The following DCHS2 variants were observed in gnomAD, a reference collection of about 807,000 sequenced individuals.
The protein encoded by DCHS2 is dachsous cadherin-related 2.
A neutral mutation model predicts 182.4 loss-of-function variants in DCHS2; 142 were observed. The ratio of observed to expected loss-of-function variants is 0.78; its 90% confidence interval spans 0.68 to 0.89. DCHS2 has a LOEUF of 0.89. Ranked by LOEUF, DCHS2 falls within the 40% of genes least tolerant of loss-of-function variation. The probability of loss-of-function intolerance (pLI) is 0.00; values close to 1 mark genes in which losing one functional copy is unlikely to be tolerated. For synonymous variants in DCHS2, 1,740 were observed against 1,663.3 expected, an observed-to-expected ratio of 1.05 and a Z score of -1.12; for missense variants, 4,319 against 4,198.6, an observed-to-expected ratio of 1.03 and a Z score of -0.79.
intron 2 of DCHS2, among the ~76,000 whole-genome samples, chr4:154,375,556 C>A (rs181644663): frequency 6.6e-6 from 1 of 151,584 alleles, no homozygotes; most frequent in African/African-American, 2.4e-5. Flanking sequence ...ACAAATTATA[C>A]GAATAGCAAT....
intron 1 of DCHS2, among the ~76,000 whole-genome samples, chr4:154,486,195 G>T (rs1728578613): frequency 6.6e-6 from 1 of 152,176 alleles, no homozygotes; most frequent in Non-Finnish European, 1.5e-5. Flanking sequence ...AATGGTTCTT[G>T]TCCTCTGCAT....
chr4:154,297,895 C>A lies in DCHS2; in HGVS notation c.6419G>T (p.Ser2140Ile), dbSNP rs1387931006. The A allele has an allele frequency of 6.2e-7, 1 of 1,613,880 alleles. No homozygotes were observed. The highest frequency in any genetic ancestry group is 8.5e-7 in the Non-Finnish European group (1 of 1,179,942). ...MEGEDVKISF[S>I]HHLYKGLVTE... ...CACGAGCCCTTTATACAGGTGGTGGCTGAAGGAAATCTTTACATCTTCTCC... is the reference window on the plus strand; with the variant it reads ...CACGAGCCCTTTATACAGGTGGTGGATGAAGGAAATCTTTACATCTTCTCC... The change falls in exon 13 of 20, where the codon AGC becomes ATC. Residue 2140 changes from serine (S) to isoleucine (I), a missense_variant. Ser to Ile is a moderately radical substitution (Grantham distance 142). Coordinates refer to ENST00000357232, the MANE Select transcript of DCHS2 (RefSeq NM_001358235.2).
intron 14 of DCHS2, among the ~76,000 whole-genome samples, chr4:154,265,279 C>T (rs1169486598): frequency 1.3e-5 from 2 of 152,106 alleles, no homozygotes; most frequent in Non-Finnish European, 2.9e-5. Flanking sequence ...TAACAAGAGA[C>T]ATACAAGCCT....
At position 154,490,947 on chromosome 4, in the gene DCHS2, C is replaced by A. The variant is rs1280029646; in HGVS notation, c.409G>T (p.Asp137Tyr). 6.4e-7 allele frequency: 1 copy of A among 1,550,516 alleles called. No homozygotes were observed. Among genetic ancestry groups the A allele is most frequent in the South Asian group, 1.2e-5 (1 of 84,004 alleles). Reference protein sequence around the residue: ...TARRLDRERRDHYSFVAATLL... With the variant: ...TARRLDRERRYHYSFVAATLL... ...GTGGCGGCGACGAAGCTGTAGTGGT[C>A]CCGCCGCTCGCGGTCCAGGCGCCGC... Residue 137 changes from aspartate (D) to tyrosine (Y), a missense_variant, in exon 1 of 20, where the codon GAC becomes TAC. Coordinates refer to ENST00000357232, the MANE Select transcript of DCHS2 (RefSeq NM_001358235.2).
At chr4:154,437,837 G>A (rs1382501896) in intron 1 of DCHS2, among the ~76,000 whole-genome samples, 2 of 152,020 alleles carry the variant, frequency 1.3e-5, no homozygotes, top group Non-Finnish European at 2.9e-5. Context: ...TTTTCTTAGA[G>A]GCTAAACAGT....
intron 17 of DCHS2, among the ~76,000 whole-genome samples, chr4:154,241,186 G>A (rs3811736): frequency 0.028 from 4,288 of 152,172 alleles, 154 homozygotes; most frequent in East Asian, 0.15. Context: ...GGATATGAAT[G>A]GGATGAAAGG....
intron 10 of DCHS2, among the ~76,000 whole-genome samples, chr4:154,307,046 T>A (rs527486721): frequency 2.7e-4 from 41 of 152,298 alleles, no homozygotes; most frequent in African/African-American, 9.4e-4. Flanking sequence ...ATAAGATCTT[T>A]ACCTATAACT....
intron 14 of DCHS2, among the ~76,000 whole-genome samples, chr4:154,266,608 A>T (rs888304618): frequency 1.3e-5 from 2 of 150,902 alleles, no homozygotes; most frequent in African/African-American, 4.9e-5. Context: ...GAGAACCGAG[A>T]TCATGCCACT....
At chr4:154,442,807 T>C (rs1734093723) in intron 1 of DCHS2, among the ~76,000 whole-genome samples, 1 of 152,112 alleles carries the variant, frequency 6.6e-6, no homozygotes, top group African/African-American at 2.4e-5. Flanking sequence ...AAGATTTTGC[T>C]ATGGTTCCCT....
chr4:154,466,268 G>A (rs141721027), intron 1 of DCHS2, among the ~76,000 whole-genome samples: 4 of 152,304 alleles, frequency 2.6e-5, no homozygotes, highest in African/African-American at 9.6e-5. Flanking sequence ...TTTAGAGGCT[G>A]AGAGAAGACA....
chr4:154,267,287 A>G lies in DCHS2; in HGVS notation c.6577+2613T>C, dbSNP rs72721392. ...GTGTGTGACCTTGATAAACCAAATG[A>G]TGCCTGCTCAAGGGGCTGAAGCAAT... On this transcript the variant is annotated intron_variant, in intron 14 of 19. Transcript: ENST00000357232. 3.1e-3 allele frequency among the ~76,000 whole-genome samples: 474 copies of G among 152,336 alleles called. 2 individuals carry two copies. The highest frequency in any genetic ancestry group is 5.3e-3 in the Non-Finnish European group (363 of 68,032).
intron 1 of DCHS2, among the ~76,000 whole-genome samples, chr4:154,429,085 G>T (rs1240200045): frequency 1.3e-5 from 2 of 152,116 alleles, no homozygotes. Context: ...ACAACCTGGC[G>T]ATGGTTTATA....
At chr4:154,376,145 G>A (rs189832328) in intron 2 of DCHS2, among the ~76,000 whole-genome samples, 196 of 152,112 alleles carry the variant, frequency 1.3e-3, no homozygotes, top group South Asian at 2.3e-3. Flanking sequence ...TTCCGGTAAC[G>A]TTTTCTCATT....
chr4:154,309,624 G>A (rs1166828689), intron 10 of DCHS2, among the ~76,000 whole-genome samples: 2 of 152,092 alleles, frequency 1.3e-5, no homozygotes, highest in African/African-American at 4.8e-5. Flanking sequence ...ACTAAACATG[G>A]CTGATAGAGC....
At chr4:154,309,803 G>C (rs959696877) in intron 10 of DCHS2, among the ~76,000 whole-genome samples, 1 of 152,208 alleles carries the variant, frequency 6.6e-6, no homozygotes, top group East Asian at 1.9e-4. Context: ...ATGTTTGACT[G>C]TGATAAAGTG....
intron 13 of DCHS2, chr4:154,272,175 C>T (rs1733631696): frequency 6.6e-5 from 10 of 152,000 alleles, no homozygotes; most frequent in Admixed American, 6.6e-4. Flanking sequence ...TAGGGATGGG[C>T]ATTTGAATTA....
At chr4:154,252,420 G>T (rs1732414147) in intron 16 of DCHS2, among the ~76,000 whole-genome samples, 1 of 151,986 alleles carries the variant, frequency 6.6e-6, no homozygotes, top group African/African-American at 2.4e-5. Context: ...CAAATACTGG[G>T]TCTTATTCAT....
rs114707521 is a variant in DCHS2, at chr4:154,477,227, G to A, written c.2052+12077C>T. ...AGGTGACCTCTTGATGTAGCCTCACGTGGCGGAAAGAGATTCAACTCCTCT... is the reference window on the plus strand; with the variant it reads ...AGGTGACCTCTTGATGTAGCCTCACATGGCGGAAAGAGATTCAACTCCTCT... On this transcript the variant is annotated intron_variant, in intron 1 of 19. Coordinates refer to ENST00000357232, the MANE Select transcript of DCHS2 (RefSeq NM_001358235.2). Among the ~76,000 whole-genome samples, 310 of 152,262 alleles carry A rather than the reference G, an allele frequency of 2.0e-3. 1 individual carries two copies. Among genetic ancestry groups the A allele is most frequent in the African/African-American group, 6.8e-3 (284 of 41,552 alleles).
chr4:154,394,686 T>A (rs1038133527), intron 1 of DCHS2, among the ~76,000 whole-genome samples: 1 of 152,156 alleles, frequency 6.6e-6, no homozygotes, highest in South Asian at 2.1e-4. Context: ...TTATCCTCTT[T>A]AGCCTGGTCC....
Sources: gnomAD v4.1 joint callset for allele counts (sites outside exome capture counted in the v4.1 genomes callset) on GRCh38, gnomAD v4.1.1 for gene constraint, MANE v1.5 for transcripts, NCBI Gene and HGNC (gene_info 2026-07-23, HGNC 2026-07-21) for gene names.